The following SLC25A51 variants were observed in gnomAD, a reference collection of about 807,000 sequenced individuals.
The protein encoded by SLC25A51 is solute carrier family 25 member 51, also known as mitochondrial nicotinamide adenine dinucleotide transporter SLC25A51.
A neutral mutation model predicts 19.1 loss-of-function variants in SLC25A51; 11 were observed. The ratio of observed to expected loss-of-function variants is 0.58; its 90% CI spans 0.36 to 0.96. The LOEUF (loss-of-function observed/expected upper bound fraction) is 0.96. Ranked by LOEUF, SLC25A51 falls within the 40% of genes least tolerant of loss-of-function variation. SLC25A51 has a pLI of 0.01. For missense variants in SLC25A51, 201 were observed against 365.4 expected, an observed-to-expected ratio of 0.55 and a Z score of 3.67; for synonymous variants, 105 against 133.6, an observed-to-expected ratio of 0.79 and a Z score of 1.47.
At chr9:37,880,998 A>T (rs1831338780) in intron 3 of SLC25A51, among the ~76,000 whole-genome samples, 1 of 152,180 alleles carries the variant, frequency 6.6e-6, no homozygotes, top group East Asian at 1.9e-4. Flanking sequence ...CTTATTCTTT[A>T]TGATGGATTT....
rs1205448532 is a variant in SLC25A51 at position 37,888,274 on chromosome 9, T to C, written c.277A>G (p.Thr93Ala). The C allele has an allele frequency of 5.6e-6, 9 of 1,614,128 alleles. No homozygotes were observed. The highest frequency in any genetic ancestry group is 1.3e-5 in the African/African-American group (1 of 74,946). ...AGACCAAACATAAGTGCAAGCGTAG[T>C]TGTCTTCTGCATCAATGGGGGAAGG... ...GILPPLMQKT[T>A]TLALMFGLYE... Residue 93 changes from threonine (T) to alanine (A), a missense_variant, in exon 3 of 3, where the codon ACT becomes GCT. Thr to Ala is a moderately conservative substitution (Grantham distance 58). Transcript: ENST00000242275.
chr9:37,880,642 T>A (rs1322462469), exon 4 of SLC25A51: 2 of 152,178 alleles, frequency 1.3e-5, no homozygotes, highest in Non-Finnish European at 2.9e-5. Flanking sequence ...CCCAGCTACT[T>A]GGGAGGCGGA....
chr9:37,896,089 C>G (rs1212603477), intron 2 of SLC25A51, among the ~76,000 whole-genome samples: 1 of 152,192 alleles, frequency 6.6e-6, no homozygotes, highest in Non-Finnish European at 1.5e-5. Flanking sequence ...GCTCGGATTA[C>G]AGGCCCTTCC....
At chr9:37,888,752 G>A (rs1831517995) in intron 2 of SLC25A51, among the ~76,000 whole-genome samples, 160 bp from the exon 3 acceptor site, 1 of 152,210 alleles carries the variant, frequency 6.6e-6, no homozygotes, top group Non-Finnish European at 1.5e-5. Context: ...GGAAGTCCCT[G>A]AGATCCTTTT....
At chr9:37,893,941 T>G (rs925794874) in intron 2 of SLC25A51, among the ~76,000 whole-genome samples, 1 of 152,152 alleles carries the variant, frequency 6.6e-6, no homozygotes, top group Admixed American at 6.5e-5. Flanking sequence ...CTGTTCACGC[T>G]CACCCACCCC....
At chr9:37,893,318 C>G (rs1462266733) in intron 2 of SLC25A51, among the ~76,000 whole-genome samples, 3 of 152,204 alleles carry the variant, frequency 2.0e-5, no homozygotes, top group Non-Finnish European at 4.4e-5. Flanking sequence ...TATGGCCTAA[C>G]GCCTCTTTGG....
At chr9:37,885,105 T>G (rs1831419093), downstream of SLC25A51, among the ~76,000 whole-genome samples, 1 of 152,122 alleles carries the variant, frequency 6.6e-6, no homozygotes, top group South Asian at 2.1e-4. Context: ...GACTGTCCTC[T>G]GCAGCTGCTC....
At position 37,899,804 on chromosome 9, in the gene SLC25A51, T is replaced by G. The variant is rs62540307; in HGVS notation, c.-43+25A>C. ...ATTTAAATCTTATCAAAATGATGTG[T>G]TCCTTGAAGTTTAATTGCATTCACC... On this transcript the variant is annotated intron_variant, in intron 2 of 2. Transcript: ENST00000242275. 439 of 146,070 alleles carry G rather than the reference T, an allele frequency of 3.0e-3. 7 individuals are homozygous for G. Among genetic ancestry groups the G allele is most frequent in the Non-Finnish European group, 2.9e-3 (189 of 65,982 alleles). 9.0% of individuals were successfully genotyped at this position (146,070 alleles called of 1,614,324 possible). A position where few individuals can be genotyped will look rare whatever the true frequency, so the allele number is the denominator to read the frequency against.
At chr9:37,896,704 G>A (rs1831723149) in intron 2 of SLC25A51, among the ~76,000 whole-genome samples, 1 of 152,190 alleles carries the variant, frequency 6.6e-6, no homozygotes, top group Non-Finnish European at 1.5e-5. Flanking sequence ...GCTGAGGCAG[G>A]AGAATCACTT....
At chr9:37,880,127 C>G (rs978874292) in exon 4 of SLC25A51, 22 of 147,372 alleles carry the variant, frequency 1.5e-4, no homozygotes, top group African/African-American at 5.4e-4. Flanking sequence ...TGAGACCAGC[C>G]TGGCGCAAAA....
intron 1 of SLC25A51, among the ~76,000 whole-genome samples, chr9:37,903,004 T>A (rs1327831763): frequency 7.2e-5 from 11 of 152,200 alleles, no homozygotes; most frequent in Middle Eastern, 3.2e-3. Flanking sequence ...CTTGCCAATA[T>A]AAAGACAAAG....
At chr9:37,884,465 T>C (rs1250814676), downstream of SLC25A51, among the ~76,000 whole-genome samples, 1 of 152,240 alleles carries the variant, frequency 6.6e-6, no homozygotes, top group Non-Finnish European at 1.5e-5. Flanking sequence ...ATGGAGTCTC[T>C]ATTTCCAAGA....
chr9:37,896,511 G>A (rs1831718805), intron 2 of SLC25A51, among the ~76,000 whole-genome samples: 1 of 152,228 alleles, frequency 6.6e-6, no homozygotes, highest in South Asian at 2.1e-4. Context: ...AAATAGGCTG[G>A]GTGGCCGGGC....
chr9:37,888,139 G>A lies in SLC25A51; in HGVS notation c.412C>T (p.Leu138=), dbSNP rs757644573. The change falls in exon 3 of 3, where the codon CTG becomes TTG. Residue 138 remains leucine, a synonymous_variant. Transcript: ENST00000242275. ...AGTTEAIFTP[L]ERVQTLLQDH... ...TGAAGCAATGTCTGAACTCTTTCCAGTGGAGTGAAAATTGCTTCTGTTGTC... is the reference window on the plus strand; with the variant it reads ...TGAAGCAATGTCTGAACTCTTTCCAATGGAGTGAAAATTGCTTCTGTTGTC... 11 of 1,613,860 alleles carry A rather than the reference G, an allele frequency of 6.8e-6. No homozygotes were observed. The highest frequency in any genetic ancestry group is 1.1e-5 in the South Asian group (1 of 91,072).
chr9:37,895,358 C>T (rs552995382), intron 2 of SLC25A51, among the ~76,000 whole-genome samples: 1 of 150,118 alleles, frequency 6.7e-6, no homozygotes, highest in African/African-American at 2.4e-5. Flanking sequence ...TCCACCACCA[C>T]ATTCGGCTTT....
At chr9:37,892,017 A>G (rs1831602960) in intron 2 of SLC25A51, among the ~76,000 whole-genome samples, 1 of 152,136 alleles carries the variant, frequency 6.6e-6, no homozygotes, top group Admixed American at 6.5e-5. Context: ...ATGTATCCAC[A>G]GGATGAGACA....
At chr9:37,877,841 C>T (rs1831282128), downstream of SLC25A51, among the ~76,000 whole-genome samples, 1 of 152,026 alleles carries the variant, frequency 6.6e-6, no homozygotes. Flanking sequence ...AACCCTGTCT[C>T]TACAAAAAAT....
chr9:37,892,492 C>T (rs1831613814), intron 2 of SLC25A51, among the ~76,000 whole-genome samples: 1 of 152,154 alleles, frequency 6.6e-6, no homozygotes, highest in African/African-American at 2.4e-5. Flanking sequence ...TTAGGACCCT[C>T]AGGAAAATCC....
chr9:37,877,879 A>T (rs967979771), downstream of SLC25A51, among the ~76,000 whole-genome samples: 1 of 152,128 alleles, frequency 6.6e-6, no homozygotes, highest in African/African-American at 2.4e-5. Context: ...ATGGTGGCAC[A>T]CACCTGTGGT....
Sources: allele counts gnomAD v4.1 joint callset (sites outside exome capture counted in the v4.1 genomes callset), GRCh38; gene constraint gnomAD v4.1.1; transcripts MANE v1.5; gene names NCBI Gene and HGNC (gene_info 2026-07-23, HGNC 2026-07-21).